The following GPC6 variants were observed in gnomAD, a reference collection of about 807,000 sequenced individuals.
The protein encoded by GPC6 is glypican-6.
GPC6 carries 14 observed loss-of-function variants against 55.2 expected under a neutral mutation model. That is an observed-to-expected ratio of 0.25 (90% CI 0.17 to 0.40). The LOEUF is 0.40. Ranked by LOEUF, GPC6 falls within the 10% of genes least tolerant of loss-of-function variation. The pLI, the probability that GPC6 is intolerant of heterozygous loss-of-function variation, is 1.00. For missense variants in GPC6, 641 were observed against 708.5 expected, an observed-to-expected ratio of 0.90 and a Z score of 1.08; for synonymous variants, 278 against 259.6, an observed-to-expected ratio of 1.07 and a Z score of -0.68.
intron 2 of GPC6, among the ~76,000 whole-genome samples, chr13:93,653,583 T>C (rs1168776963): frequency 7.7e-6 from 1 of 130,376 alleles, no homozygotes; most frequent in South Asian, 2.1e-4. Flanking sequence ...GCCGTGTGTG[T>C]GTGTGTGTGT....
intron 4 of GPC6, among the ~76,000 whole-genome samples, chr13:94,068,120 A>G (rs1884599670): frequency 6.6e-6 from 1 of 152,222 alleles, no homozygotes; most frequent in Admixed American, 6.5e-5. Context: ...GCAATGTACA[A>G]AAGAAAGAGG....
intron 3 of GPC6, among the ~76,000 whole-genome samples, chr13:93,836,392 C>T (rs953270940): frequency 6.6e-6 from 1 of 152,112 alleles, no homozygotes; most frequent in Non-Finnish European, 1.5e-5. Flanking sequence ...GTCATTATCA[C>T]CTGAGTTACT....
intron 3 of GPC6, among the ~76,000 whole-genome samples, chr13:93,868,084 A>G (rs759263405): frequency 3.3e-5 from 5 of 151,812 alleles, no homozygotes; most frequent in African/African-American, 4.8e-5. Context: ...GATCAAGTGA[A>G]GAATGTTTCC....
At chr13:94,297,729 A>G (rs1197864701) in intron 5 of GPC6, among the ~76,000 whole-genome samples, 1 of 152,188 alleles carries the variant, frequency 6.6e-6, no homozygotes, top group Admixed American at 6.5e-5. Context: ...GGCTTTTTAA[A>G]ATTGAGGCCA....
intron 4 of GPC6, among the ~76,000 whole-genome samples, chr13:94,144,534 G>GGTGT (rs1887493463): frequency 3.0e-5 from 2 of 67,360 alleles, no homozygotes; most frequent in Non-Finnish European, 2.8e-5. Context: ...TCATTCTTTG[G>GGTGT]GAGTGTGTGT....
At chr13:94,135,066 A>G (rs1281628352) in intron 4 of GPC6, among the ~76,000 whole-genome samples, 1 of 152,180 alleles carries the variant, frequency 6.6e-6, no homozygotes, top group Non-Finnish European at 1.5e-5. Context: ...CTTCAGAAAT[A>G]AGGACTACGA....
At chr13:93,750,863 T>C (rs1390097896) in intron 2 of GPC6, among the ~76,000 whole-genome samples, 1 of 152,116 alleles carries the variant, frequency 6.6e-6, no homozygotes, top group Non-Finnish European at 1.5e-5. Context: ...CCAAGGCGAG[T>C]CCAACAGAAG....
chr13:94,338,138 A>G (rs1014630734), intron 6 of GPC6, among the ~76,000 whole-genome samples: 1 of 152,228 alleles, frequency 6.6e-6, no homozygotes, highest in Admixed American at 6.5e-5. Flanking sequence ...TCACACTTAG[A>G]TGGTAAATTC....
At chr13:93,982,643 A>C (rs2140406246) in intron 3 of GPC6, among the ~76,000 whole-genome samples, 1 of 152,290 alleles carries the variant, frequency 6.6e-6, no homozygotes, top group South Asian at 2.1e-4. Context: ...GGATTAGGTA[A>C]AATCTACTAC....
intron 2 of GPC6, among the ~76,000 whole-genome samples, chr13:93,650,864 A>G (rs1880379898): frequency 8.6e-6 from 1 of 116,504 alleles, no homozygotes; most frequent in African/African-American, 2.9e-5. Flanking sequence ...TTTCCTCAAA[A>G]TCACATTTTT....
At chr13:94,203,122 A>G (rs1889805043) in intron 4 of GPC6, among the ~76,000 whole-genome samples, 1 of 130,804 alleles carries the variant, frequency 7.6e-6, no homozygotes, top group Admixed American at 7.3e-5. Context: ...TTTCACTTAT[A>G]GTGAGTCTTA....
chr13:93,403,521 G>A (rs1203439542), intron 1 of GPC6, among the ~76,000 whole-genome samples: 1 of 152,170 alleles, frequency 6.6e-6, no homozygotes, highest in Non-Finnish European at 1.5e-5. Context: ...ATATAGAGAT[G>A]TCCTCTCCTA....
intron 2 of GPC6, among the ~76,000 whole-genome samples, chr13:93,720,354 T>C (rs1883410447): frequency 6.6e-6 from 1 of 152,112 alleles, no homozygotes; most frequent in African/African-American, 2.4e-5. Context: ...TTTATTTGCA[T>C]AGAGGTGTTT....
intron 4 of GPC6, among the ~76,000 whole-genome samples, chr13:94,087,651 G>A (rs1327086782): frequency 1.3e-5 from 2 of 152,192 alleles, no homozygotes; most frequent in Non-Finnish European, 2.9e-5. Context: ...AAGTCATTTA[G>A]TTAACAAACC....
At chr13:93,922,362 C>A (rs1877618513) in intron 3 of GPC6, among the ~76,000 whole-genome samples, 1 of 152,098 alleles carries the variant, frequency 6.6e-6, no homozygotes, top group Non-Finnish European at 1.5e-5. Flanking sequence ...ATGGAGTGAG[C>A]TATCTGCTGT....
chr13:93,351,491 G>T (rs2139164575), intron 1 of GPC6, among the ~76,000 whole-genome samples: 1 of 152,094 alleles, frequency 6.6e-6, no homozygotes, highest in South Asian at 2.1e-4. Flanking sequence ...ATTACAGCTA[G>T]GTAGGAGGAA....
chr13:94,128,261 G>A (rs1016878410), intron 4 of GPC6, among the ~76,000 whole-genome samples: 6 of 152,088 alleles, frequency 3.9e-5, no homozygotes, highest in African/African-American at 1.4e-4. Context: ...CTGTAAAGTA[G>A]GAAAATTTTT....
chr13:94,095,127 T>C (rs1885614848), intron 4 of GPC6, among the ~76,000 whole-genome samples: 1 of 152,120 alleles, frequency 6.6e-6, no homozygotes, highest in African/African-American at 2.4e-5. Context: ...TAGGAAGTAA[T>C]AATAATTCCC....
chr13:93,530,698 A>G (rs930358058), intron 1 of GPC6, among the ~76,000 whole-genome samples: 1 of 152,196 alleles, frequency 6.6e-6, no homozygotes, highest in African/African-American at 2.4e-5. Context: ...TTACAATTAA[A>G]TTATGTTAAA....
Sources: allele counts gnomAD v4.1 joint callset (sites outside exome capture counted in the v4.1 genomes callset), GRCh38; gene constraint gnomAD v4.1.1; transcripts MANE v1.5; gene names NCBI Gene and HGNC (gene_info 2026-07-23, HGNC 2026-07-21).